Variants in ZNF804B observed in about 807,000 individuals in gnomAD.
ZNF804B encodes zinc finger 804B.
In ZNF804B, 80 loss-of-function variants were observed where a neutral mutation model predicts 101.4. The ratio of observed to expected loss-of-function variants is 0.79; its 90% CI spans 0.66 to 0.95. ZNF804B has a LOEUF of 0.95. Ranked by LOEUF, ZNF804B falls within the 40% of genes least tolerant of loss-of-function variation. The pLI is 0.00. For missense variants in ZNF804B, 1,673 were observed against 1,561.9 expected (o/e 1.07, Z -1.20); for synonymous variants, 622 against 558.8 (o/e 1.11, Z -1.59).
Position 89,027,112 on chromosome 7 carries a change from T to A in ZNF804B, c.109-191043T>A, listed in dbSNP as rs190017021. Among the ~76,000 whole-genome samples, 347 of 150,762 alleles carry A rather than the reference T, an allele frequency of 2.3e-3. 2 individuals carry two copies. Among genetic ancestry groups the A allele is most frequent in the African/African-American group, 8.1e-3 (332 of 41,092 alleles). On this transcript the variant is annotated intron_variant, in intron 1 of 3. Transcript: ENST00000333190. The stretch of plus-strand genomic sequence containing the variant: ...ATTATAAAAAACCCATGAGAGAGAG[T>A]TTAGAATAATAGATCAAAGAAAGTA...
At chr7:89,230,128 AG>A (rs966582034) in intron 2 of ZNF804B, among the ~76,000 whole-genome samples, 1 of 152,128 alleles carries the variant, frequency 6.6e-6, no homozygotes, top group African/African-American at 2.4e-5. Context: ...AACTGCAAAA[AG>A]AACAGCAAAT....
rs151114497 is a variant in ZNF804B, at chr7:88,968,353, A to T, written c.108+208269A>T. On this transcript the variant is annotated intron_variant, in intron 1 of 3. Transcript: ENST00000333190. ...CTGATACGGAAAACCCTGATTCATC[A>T]TCTTTTTCTGATTGTATCATTTTTG... Among the ~76,000 whole-genome samples the T allele has an allele frequency of 2.0e-5, 3 of 151,594 alleles. No homozygotes were observed. In the South Asian group the frequency reaches 6.2e-4, roughly 31 times the overall value.
chr7:88,795,348 A>G lies in ZNF804B; in HGVS notation c.108+35264A>G, dbSNP rs10236686. ...CTTTTACAAATCTAACTGATCTATA[A>G]CTTTTAAAAAAAAATCCAAGGCTTT... On this transcript the variant is annotated intron_variant, in intron 1 of 3. Transcript: ENST00000333190. Among the ~76,000 whole-genome samples, 310 of 150,364 alleles carry G rather than the reference A, an allele frequency of 2.1e-3. 2 individuals are homozygous for G. The highest frequency in any genetic ancestry group is 7.3e-3 in the African/African-American group (300 of 40,820).
At chr7:89,262,758 T>G (rs2115817188) in intron 2 of ZNF804B, among the ~76,000 whole-genome samples, 1 of 152,312 alleles carries the variant, frequency 6.6e-6, no homozygotes, top group Admixed American at 6.5e-5. Context: ...TTTGTTACAA[T>G]CTCAATCATT....
chr7:89,283,690 T>C (rs1488711896), intron 2 of ZNF804B, among the ~76,000 whole-genome samples: 12 of 152,040 alleles, frequency 7.9e-5, no homozygotes, highest in Admixed American at 7.9e-4. Flanking sequence ...ATTATAATTG[T>C]TTTTATTATT....
chr7:89,018,371 C>T (rs1451227020), intron 1 of ZNF804B, among the ~76,000 whole-genome samples: 2 of 151,962 alleles, frequency 1.3e-5, no homozygotes, highest in African/African-American at 4.8e-5. Context: ...CTCACTAGAT[C>T]ATGGTTTGTG....
At chr7:88,934,268 A>G (rs1214110449) in intron 1 of ZNF804B, among the ~76,000 whole-genome samples, 2 of 151,970 alleles carry the variant, frequency 1.3e-5, no homozygotes, top group Non-Finnish European at 2.9e-5. Context: ...TCAGCTCAAT[A>G]TGGATCAAAG....
At chr7:88,952,647 A>C (rs1347698479) in intron 1 of ZNF804B, among the ~76,000 whole-genome samples, 2 of 151,806 alleles carry the variant, frequency 1.3e-5, no homozygotes, top group Non-Finnish European at 2.9e-5. Context: ...TTAATGATCA[A>C]AATAAAAGAG....
rs558753657 is a variant in ZNF804B at position 89,216,261 on chromosome 7, T to C, written c.109-1894T>C. ...AGGGGGAGGTCGCGGTGAGCCGAGATCGCGCCATTGCACTCCAGCCTGCAC... is the reference window on the plus strand; with the variant it reads ...AGGGGGAGGTCGCGGTGAGCCGAGACCGCGCCATTGCACTCCAGCCTGCAC... On this transcript the variant is annotated intron_variant, in intron 1 of 3. Transcript: ENST00000333190. 2.0e-5 allele frequency among the ~76,000 whole-genome samples: 3 copies of C among 152,274 alleles called. No homozygotes were observed. In the South Asian group the frequency reaches 6.2e-4, roughly 32 times the overall value.
intron 1 of ZNF804B, among the ~76,000 whole-genome samples, chr7:89,158,517 T>C (rs184362243): frequency 1.3e-5 from 2 of 152,286 alleles, no homozygotes; most frequent in Non-Finnish European, 2.9e-5. Flanking sequence ...ATTGCTCTTG[T>C]TTTCTAACTG....
intron 2 of ZNF804B, among the ~76,000 whole-genome samples, chr7:89,273,766 G>C (rs1417135897): frequency 6.6e-6 from 1 of 152,028 alleles, no homozygotes; most frequent in African/African-American, 2.4e-5. Flanking sequence ...ATTTAAATTT[G>C]CTCCCAAACT....
intron 2 of ZNF804B, among the ~76,000 whole-genome samples, chr7:89,282,302 C>G (rs778364405): frequency 6.6e-6 from 1 of 151,582 alleles, no homozygotes; most frequent in African/African-American, 2.4e-5. Flanking sequence ...AAATTCATGA[C>G]TATGAAATGA....
chr7:88,820,222 A>G (rs1395387659), intron 1 of ZNF804B, among the ~76,000 whole-genome samples: 1 of 152,214 alleles, frequency 6.6e-6, no homozygotes, highest in East Asian at 1.9e-4. Flanking sequence ...GTACTTCATG[A>G]TACAAAACAT....
At chr7:89,207,344 G>A (rs953808567) in intron 1 of ZNF804B, among the ~76,000 whole-genome samples, 3 of 152,174 alleles carry the variant, frequency 2.0e-5, no homozygotes, top group Non-Finnish European at 4.4e-5. Context: ...GGTTAATGAG[G>A]AGCAAGGTCA....
chr7:89,323,115 T>C lies in ZNF804B; in HGVS notation c.250-4229T>C, dbSNP rs1489804327. On this transcript the variant is annotated intron_variant, in intron 2 of 3. Coordinates refer to ENST00000333190, the MANE Select transcript of ZNF804B (RefSeq NM_181646.5). ...TGCCTCTTCTCTCTGGCCTAGGCCA[T>C]GTGAGGATATAACAAAAAGATGTCC... Among the ~76,000 whole-genome samples the C allele has an allele frequency of 2.6e-5, 4 of 152,224 alleles. No homozygotes were observed. In the East Asian group the frequency reaches 7.7e-4, roughly 29 times the overall value.
At chr7:89,094,494 C>T (rs1301803470) in intron 1 of ZNF804B, among the ~76,000 whole-genome samples, 1 of 151,998 alleles carries the variant, frequency 6.6e-6, no homozygotes, top group East Asian at 1.9e-4. Context: ...AAATTGCCTC[C>T]ACTGCTGTCC....
intron 1 of ZNF804B, among the ~76,000 whole-genome samples, chr7:89,059,365 G>T (rs1449304435): frequency 6.6e-6 from 1 of 152,150 alleles, no homozygotes; most frequent in Non-Finnish European, 1.5e-5. Flanking sequence ...TACTTCTGGT[G>T]AAGGCCTCAG....
At chr7:89,090,523 T>C (rs868823240) in intron 1 of ZNF804B, among the ~76,000 whole-genome samples, 2 of 152,092 alleles carry the variant, frequency 1.3e-5, no homozygotes, top group Middle Eastern at 3.2e-3. Context: ...ATATTGTATA[T>C]AGGTATAGTT....
chr7:89,237,460 TGTG>T (rs1459496916), intron 2 of ZNF804B, among the ~76,000 whole-genome samples: 1 of 152,190 alleles, frequency 6.6e-6, no homozygotes, highest in Non-Finnish European at 1.5e-5. Context: ...AAAATGTTGA[TGTG>T]ATGATGATGA....
Sources: gnomAD v4.1 joint callset for allele counts (sites outside exome capture counted in the v4.1 genomes callset) on GRCh38, gnomAD v4.1.1 for gene constraint, MANE v1.5 for transcripts, NCBI Gene and HGNC (gene_info 2026-07-23, HGNC 2026-07-21) for gene names.